Variants in UVRAG observed in about 807,000 individuals in gnomAD.
UVRAG encodes the protein UV radiation resistance associated.
UVRAG carries 19 observed loss-of-function variants against 78.0 expected under a neutral mutation model. The ratio of observed to expected loss-of-function variants is 0.24; its 90% CI spans 0.17 to 0.36. The LOEUF (loss-of-function observed/expected upper bound fraction) is 0.36, where lower values mean the gene tolerates loss of function less well. UVRAG is among the 10% of genes least tolerant of loss of function. The probability of loss-of-function intolerance (pLI) is 1.00; values close to 1 mark genes in which losing one functional copy is unlikely to be tolerated. For missense variants in UVRAG, 740 were observed against 853.8 expected (o/e 0.87, Z 1.66); for synonymous variants, 323 against 324.6 (o/e 1.00, Z 0.05).
intron 13 of UVRAG, among the ~76,000 whole-genome samples, chr11:76,093,766 A>G (rs1300075805): frequency 6.6e-6 from 1 of 152,182 alleles, no homozygotes; most frequent in Non-Finnish European, 1.5e-5. Flanking sequence ...GGGCTGAGAC[A>G]ATGGGGTTTT....
At position 75,965,027 on chromosome 11, in the gene UVRAG, C is replaced by A. The variant is rs116021283; in HGVS notation, c.699+3478C>A. ...ATAGATTTGTCATCTTAAAATTTGA[C>A]AGGGTAAGTCTTCCAACTTTGTTAA... On this transcript the variant is annotated intron_variant, in intron 7 of 14. Transcript: ENST00000356136. Among the ~76,000 whole-genome samples, 669 of 152,272 alleles carry A rather than the reference C, an allele frequency of 4.4e-3. 5 individuals are homozygous for A. The highest frequency in any genetic ancestry group is 0.015 in the African/African-American group (629 of 41,544).
intron 2 of UVRAG, 38 bp downstream of exon 2, chr11:75,852,038 A>T: frequency 1.4e-6 from 2 of 1,422,078 alleles, no homozygotes; most frequent in East Asian, 4.7e-5. Flanking sequence ...ACAGATTGTT[A>T]TATTTTTATT....
intron 1 of UVRAG, among the ~76,000 whole-genome samples, chr11:75,843,574 T>C (rs1012182613): frequency 3.3e-5 from 5 of 152,186 alleles, no homozygotes; most frequent in African/African-American, 1.2e-4. Flanking sequence ...CTCTTCCTTG[T>C]TGGTTTCATT....
chr11:75,819,909 A>G (rs1014315834), intron 1 of UVRAG, among the ~76,000 whole-genome samples: 1 of 152,138 alleles, frequency 6.6e-6, no homozygotes, highest in Admixed American at 6.5e-5. Flanking sequence ...CAGAGGTTGC[A>G]GTGAGCTGAG....
intron 4 of UVRAG, among the ~76,000 whole-genome samples, chr11:75,882,790 T>C (rs992480487): frequency 1.3e-5 from 2 of 152,182 alleles, no homozygotes; most frequent in Non-Finnish European, 2.9e-5. Flanking sequence ...GATCATGCTT[T>C]TAACATATTT....
intron 14 of UVRAG, among the ~76,000 whole-genome samples, chr11:76,139,693 C>A (rs970691276): frequency 2.0e-5 from 3 of 152,086 alleles, no homozygotes; most frequent in Admixed American, 2.0e-4. Flanking sequence ...TATAACATAG[C>A]CATCATTTCC....
intron 14 of UVRAG, among the ~76,000 whole-genome samples, chr11:76,136,463 T>C (rs1286636971): frequency 6.6e-6 from 1 of 151,936 alleles, no homozygotes; most frequent in Non-Finnish European, 1.5e-5. Context: ...GGATGTAGCA[T>C]TCTGTATATA....
chr11:76,000,450 A>C (rs1031519238), intron 8 of UVRAG, among the ~76,000 whole-genome samples: 5 of 151,988 alleles, frequency 3.3e-5, no homozygotes, highest in Admixed American at 6.6e-5. Context: ...ACACAAAAAA[A>C]CTTAAAAATT....
chr11:76,070,309 A>G (rs79718936), intron 13 of UVRAG, among the ~76,000 whole-genome samples: 1,696 of 152,242 alleles, frequency 0.011, 33 homozygotes, highest in African/African-American at 0.039. Flanking sequence ...GAGAGGAGGA[A>G]ATAGGAAGAA....
intron 13 of UVRAG, 89 bp from the exon 14 acceptor site, chr11:76,115,835 G>T: frequency 8.5e-7 from 1 of 1,171,258 alleles, no homozygotes; most frequent in Non-Finnish European, 1.2e-6. Context: ...CTCTTTTAGA[G>T]TTCAAAAAAA....
chr11:75,976,827 T>C (rs1949253362), intron 7 of UVRAG, among the ~76,000 whole-genome samples: 1 of 152,168 alleles, frequency 6.6e-6, no homozygotes, highest in Admixed American at 6.5e-5. Flanking sequence ...AGCTCCTGGA[T>C]TCATTGATTT....
chr11:75,856,547 T>C (rs571332803), intron 2 of UVRAG, among the ~76,000 whole-genome samples: 1 of 150,952 alleles, frequency 6.6e-6, no homozygotes, highest in Admixed American at 6.6e-5. Flanking sequence ...TGGGCTCAGG[T>C]GATTCTCCCG....
At chr11:75,982,940 C>T (rs774426020) in intron 7 of UVRAG, among the ~76,000 whole-genome samples, 2 of 151,930 alleles carry the variant, frequency 1.3e-5, no homozygotes, top group Non-Finnish European at 2.9e-5. Context: ...TTATGTCGTT[C>T]GGCTATTATG....
At chr11:76,053,419 C>G (rs1950911985) in intron 12 of UVRAG, among the ~76,000 whole-genome samples, 1 of 152,090 alleles carries the variant, frequency 6.6e-6, no homozygotes, top group Non-Finnish European at 1.5e-5. Context: ...CCTCGTTTCT[C>G]AATTGAGAAA....
At chr11:76,124,156 A>G (rs1001925086) in intron 14 of UVRAG, among the ~76,000 whole-genome samples, 2 of 152,242 alleles carry the variant, frequency 1.3e-5, no homozygotes, top group Admixed American at 6.5e-5. Flanking sequence ...GATAATGTTC[A>G]TCAAAGTGGT....
chr11:76,105,148 G>T (rs572577425), intron 13 of UVRAG, among the ~76,000 whole-genome samples: 15 of 152,296 alleles, frequency 9.8e-5, no homozygotes, highest in African/African-American at 1.2e-4. Context: ...ATAGATCACA[G>T]AAACTGTGGG....
chr11:75,904,144 G>A (rs892898364), intron 5 of UVRAG, among the ~76,000 whole-genome samples: 1 of 152,162 alleles, frequency 6.6e-6, no homozygotes, highest in Non-Finnish European at 1.5e-5. Flanking sequence ...CATTTACTAT[G>A]TGGCCCTTTA....
chr11:76,017,554 A>G (rs1374413512), intron 12 of UVRAG, among the ~76,000 whole-genome samples: 2 of 152,186 alleles, frequency 1.3e-5, no homozygotes, highest in Non-Finnish European at 2.9e-5. Flanking sequence ...AAGAAGCACT[A>G]ACAAAACAGA....
intron 4 of UVRAG, 128 bp downstream of exon 4, chr11:75,880,168 A>ATCAAGGTCTCT: frequency 1.0e-6 from 1 of 1,000,604 alleles, no homozygotes; most frequent in Non-Finnish European, 1.5e-6. Flanking sequence ...TACTTATATC[A>ATCAAGGTCTCT]CTAAGAGAGA....
Sources: allele counts gnomAD v4.1 joint callset (sites outside exome capture counted in the v4.1 genomes callset), GRCh38; gene constraint gnomAD v4.1.1; transcripts MANE v1.5; gene names NCBI Gene and HGNC (gene_info 2026-07-23, HGNC 2026-07-21).